ERBB4: variants seen among roughly 807,000 people sequenced by gnomAD.
The protein encoded by ERBB4 is receptor tyrosine-protein kinase erbB-4.
Under a neutral mutation model 158.0 loss-of-function variants are expected in ERBB4, and 42 were observed. The observed-to-expected ratio is 0.27, with a 90% CI of 0.21 to 0.34. ERBB4 has a LOEUF of 0.34. Among genes scored for constraint, ERBB4 ranks in the 10% least tolerant of loss-of-function variants. The pLI is 1.00. For missense variants in ERBB4, 1,333 were observed against 1,624.1 expected (o/e 0.82, Z 3.08); for synonymous variants, 583 against 558.7 (o/e 1.04, Z -0.61).
chr2:211,872,549 A>AT (rs527280809), intron 3 of ERBB4, among the ~76,000 whole-genome samples: 2 of 152,006 alleles, frequency 1.3e-5, no homozygotes, highest in Middle Eastern at 3.2e-3. Flanking sequence ...CACAAAATTT[A>AT]TTTTTTTTAT....
intron 1 of ERBB4, among the ~76,000 whole-genome samples, chr2:212,226,466 C>T (rs1413971155): frequency 1.3e-5 from 2 of 151,590 alleles, no homozygotes; most frequent in East Asian, 1.9e-4. Flanking sequence ...TAATACAAAA[C>T]AAATACAATC....
At chr2:211,854,180 G>T (rs1324891490) in intron 3 of ERBB4, among the ~76,000 whole-genome samples, 1 of 152,010 alleles carries the variant, frequency 6.6e-6, no homozygotes, top group Non-Finnish European at 1.5e-5. Flanking sequence ...AGAAAATATA[G>T]AGATGATTAT....
chr2:212,300,316 T>C (rs979534706), intron 1 of ERBB4, among the ~76,000 whole-genome samples: 6 of 151,576 alleles, frequency 4.0e-5, no homozygotes, highest in African/African-American at 9.7e-5. Context: ...TCACATGCTC[T>C]TGATTTTAAC....
rs150701294 is a variant in ERBB4 at position 212,328,489 on chromosome 2, T to C, written c.83-203586A>G. On this transcript the variant is annotated intron_variant, in intron 1 of 27. Coordinates refer to ENST00000342788, the MANE Select transcript of ERBB4 (RefSeq NM_005235.3). ...TTGTTGGGGAATAACAAGGTCACAC[T>C]ACAGAGTAGCATATGAAGCTGGAGA... Among the ~76,000 whole-genome samples, 290 of 152,136 alleles carry C rather than the reference T, an allele frequency of 1.9e-3. 1 individual carries two copies. The highest frequency in any genetic ancestry group is 4.1e-3 in the Admixed American group (62 of 15,266).
At chr2:211,948,785 C>T (rs541639803) in intron 2 of ERBB4, among the ~76,000 whole-genome samples, 2 of 152,104 alleles carry the variant, frequency 1.3e-5, no homozygotes, top group African/African-American at 2.4e-5. Flanking sequence ...TACTTCCCCC[C>T]ACCCTGTCTA....
chr2:211,817,579 C>T (rs557674444), intron 3 of ERBB4, among the ~76,000 whole-genome samples: 3 of 152,264 alleles, frequency 2.0e-5, no homozygotes, highest in Non-Finnish European at 4.4e-5. Context: ...ATCAGTCCCC[C>T]TAAATCTTGT....
At chr2:211,816,359 G>T (rs1001609852) in intron 3 of ERBB4, among the ~76,000 whole-genome samples, 1 of 151,602 alleles carries the variant, frequency 6.6e-6, no homozygotes, top group Non-Finnish European at 1.5e-5. Context: ...TGGGCAACAT[G>T]ATGAAACCCC....
At chr2:212,412,664 T>C (rs752478093) in intron 1 of ERBB4, among the ~76,000 whole-genome samples, 6 of 152,202 alleles carry the variant, frequency 3.9e-5, no homozygotes, top group Non-Finnish European at 8.8e-5. Flanking sequence ...TATCTTGGTT[T>C]GTTATTTCAA....
chr2:211,542,343 T>A (rs1210247491), intron 20 of ERBB4, among the ~76,000 whole-genome samples: 1 of 151,980 alleles, frequency 6.6e-6, no homozygotes, highest in African/African-American at 2.4e-5. Context: ...GGCTCCCAGT[T>A]GTGACACTAT....
chr2:211,637,396 A>T (rs1481209367), intron 16 of ERBB4, among the ~76,000 whole-genome samples: 2 of 151,910 alleles, frequency 1.3e-5, no homozygotes, highest in African/African-American at 4.8e-5. Flanking sequence ...ACATAGCAAA[A>T]GGTCTGTTTC....
chr2:211,809,298 G>T (rs2076693401), intron 3 of ERBB4, among the ~76,000 whole-genome samples: 1 of 152,154 alleles, frequency 6.6e-6, no homozygotes, highest in African/African-American at 2.4e-5. Flanking sequence ...GGTAGAATTT[G>T]TCTGTGAATC....
chr2:211,488,032 T>C (rs1031245388), intron 20 of ERBB4, among the ~76,000 whole-genome samples: 1 of 151,564 alleles, frequency 6.6e-6, no homozygotes, highest in African/African-American at 2.4e-5. Flanking sequence ...AAATTAACAC[T>C]CATACCACAC....
At position 211,376,564 on chromosome 2, in the gene ERBB4, T is replaced by C. The variant is rs975655694; in HGVS notation, c.*7051A>G. On this transcript the variant is annotated 3_prime_UTR_variant, in exon 28 of 28. Transcript: ENST00000342788. Reference sequence around the variant, plus strand: ...AAGATACTTCACAAGAGAGAGGGCTTGTTTTCTGCTTACAAGTTAAGAAAA... The same window carrying C: ...AAGATACTTCACAAGAGAGAGGGCTCGTTTTCTGCTTACAAGTTAAGAAAA... The C allele has an allele frequency of 1.3e-5, 3 of 232,670 alleles. No homozygotes were observed. The highest frequency in any genetic ancestry group is 6.6e-5 in the African/African-American group (3 of 45,290). The allele number at this position is 232,670 out of a possible 1,614,324, so 14.4% of individuals were successfully genotyped here.
At chr2:211,896,391 C>T (rs2079098358) in intron 3 of ERBB4, among the ~76,000 whole-genome samples, 1 of 152,172 alleles carries the variant, frequency 6.6e-6, no homozygotes, top group African/African-American at 2.4e-5. Context: ...CTTCCACATT[C>T]ATACTTAGTC....
chr2:212,317,287 G>C (rs533240747), intron 1 of ERBB4, among the ~76,000 whole-genome samples: 65 of 151,562 alleles, frequency 4.3e-4, no homozygotes, highest in African/African-American at 1.6e-3. Flanking sequence ...GAGTAAAAGA[G>C]CTTTGTGATA....
At chr2:212,465,490 C>A in intron 1 of ERBB4, among the ~76,000 whole-genome samples, 1 of 152,060 alleles carries the variant, frequency 6.6e-6, no homozygotes, top group Admixed American at 6.6e-5. Context: ...TGTTTTCCTA[C>A]AAAATATACA....
chr2:212,528,738 A>T (rs1427229001), intron 1 of ERBB4, among the ~76,000 whole-genome samples: 1 of 152,076 alleles, frequency 6.6e-6, no homozygotes, highest in Non-Finnish European at 1.5e-5. Context: ...TCCCTGGTAG[A>T]CTCTGACTCT....
intron 19 of ERBB4, among the ~76,000 whole-genome samples, chr2:211,583,210 G>C (rs2068155666): frequency 6.6e-6 from 1 of 151,894 alleles, no homozygotes; most frequent in Non-Finnish European, 1.5e-5. Context: ...TATTTACTGA[G>C]CACTTACTAT....
At chr2:211,754,266 C>T (rs1279725087) in intron 4 of ERBB4, among the ~76,000 whole-genome samples, 1 of 152,034 alleles carries the variant, frequency 6.6e-6, no homozygotes, top group East Asian at 1.9e-4. Context: ...TAAATGAGGG[C>T]CACGAAGAGA....
Sources: gnomAD v4.1 joint callset for allele counts (sites outside exome capture counted in the v4.1 genomes callset) on GRCh38, gnomAD v4.1.1 for gene constraint, MANE v1.5 for transcripts, NCBI Gene and HGNC (gene_info 2026-07-23, HGNC 2026-07-21) for gene names.